KLRF1: variants seen among roughly 807,000 people sequenced by gnomAD.
KLRF1 encodes killer cell lectin-like receptor subfamily F member 1.
Under a neutral mutation model 30.7 loss-of-function variants are expected in KLRF1, and 27 were observed. The observed-to-expected ratio is 0.88, with a 90% CI of 0.65 to 1.21. The LOEUF is 1.21. Among genes scored for constraint, KLRF1 ranks in the 50% most tolerant of loss-of-function variants. The probability of loss-of-function intolerance (pLI) is 0.00; values close to 1 mark genes in which losing one functional copy is unlikely to be tolerated. For missense variants in KLRF1, 246 were observed against 259.3 expected, an observed-to-expected ratio of 0.95 and a Z score of 0.35; for synonymous variants, 92 against 89.3, an observed-to-expected ratio of 1.03 and a Z score of -0.17.
rs1337716076 is a variant in KLRF1, at chr12:9,844,494, A to G, written c.664A>G (p.Ser222Gly). ...KESKIFSETC[S>G]SVFKWICQY ...AAGCAAAATTTTCTCTGAAACCTGC[A>G]GCAGTGTTTTCAAATGGATTTGTCA... The change falls in exon 6 of 6, where the codon AGC becomes GGC. Residue 222 changes from serine to glycine, a missense_variant. Transcript: ENST00000617889. 3.1e-6 allele frequency: 5 copies of G among 1,607,352 alleles called. No individual in the cohort carries two copies. Among genetic ancestry groups the G allele is most frequent in the Admixed American group, 1.7e-5 (1 of 59,832 alleles).
At chr12:9,828,583 G>A (rs1323329555) in intron 1 of KLRF1, among the ~76,000 whole-genome samples, 2 of 152,138 alleles carry the variant, frequency 1.3e-5, no homozygotes, top group Non-Finnish European at 2.9e-5. Context: ...AATAATCACA[G>A]TTATAGAGAC....
chr12:9,836,570 TATGAGATG>T (rs1420907338), intron 3 of KLRF1, among the ~76,000 whole-genome samples: 4 of 152,166 alleles, frequency 2.6e-5, no homozygotes, highest in Admixed American at 6.6e-5. Flanking sequence ...TGTTTTATTG[TATGAGATG>T]ATATATTATG....
At chr12:9,816,796 C>A in the KLRF1 span, among the ~76,000 whole-genome samples, 3 of 148,892 alleles carry the variant, frequency 2.0e-5, no homozygotes, top group African/African-American at 7.5e-5. Flanking sequence ...TGCAGTGGCG[C>A]GATCTCGGCT....
intron 3 of KLRF1, among the ~76,000 whole-genome samples, chr12:9,840,323 G>T (rs1867672769): frequency 6.6e-6 from 1 of 151,912 alleles, no homozygotes. Flanking sequence ...ACTTTAAAAT[G>T]GCTAAAATGG....
the KLRF1 span, among the ~76,000 whole-genome samples, chr12:9,822,271 A>C: frequency 6.6e-6 from 1 of 152,228 alleles, no homozygotes; most frequent in Non-Finnish European, 1.5e-5. Flanking sequence ...TAAGAATCAC[A>C]CTAAAACAAT....
chr12:9,838,330 A>C (rs1000779881), intron 3 of KLRF1, among the ~76,000 whole-genome samples: 13 of 152,242 alleles, frequency 8.5e-5, no homozygotes, highest in African/African-American at 2.9e-4. Context: ...AAGCACTCAT[A>C]AGTTAAAGTG....
Sources: allele counts gnomAD v4.1 joint callset (sites outside exome capture counted in the v4.1 genomes callset), GRCh38; gene constraint gnomAD v4.1.1; transcripts MANE v1.5; gene names NCBI Gene and HGNC (gene_info 2026-07-23, HGNC 2026-07-21).